NRIP1: variants seen among roughly 807,000 people sequenced by gnomAD.
NRIP1 encodes the protein nuclear receptor interacting protein 1.
Under a neutral mutation model 75.0 loss-of-function variants are expected in NRIP1, and 28 were observed. That is an observed-to-expected ratio of 0.37 (90% CI 0.28 to 0.51). NRIP1 has a LOEUF of 0.51. Among genes scored for constraint, NRIP1 ranks in the 20% least tolerant of loss-of-function variants. The pLI is 0.92. For synonymous variants in NRIP1, 526 were observed against 487.6 expected (o/e 1.08, Z -1.04); for missense variants, 1,435 against 1,343.7 (o/e 1.07, Z -1.06).
chr21:15,001,316 T>C (rs1277508381), intron 3 of NRIP1, among the ~76,000 whole-genome samples: 2 of 152,208 alleles, frequency 1.3e-5, no homozygotes, highest in Non-Finnish European at 2.9e-5. Flanking sequence ...GCAGTTCACA[T>C]GTGGCAAGAG....
chr21:14,986,520 A>G (rs1458471204), intron 3 of NRIP1, among the ~76,000 whole-genome samples: 1 of 152,192 alleles, frequency 6.6e-6, no homozygotes, highest in Non-Finnish European at 1.5e-5. Flanking sequence ...ATAATATTAA[A>G]CTTTAATAAC....
At chr21:15,008,434 G>T (rs1260397190) in intron 3 of NRIP1, among the ~76,000 whole-genome samples, 2 of 152,066 alleles carry the variant, frequency 1.3e-5, no homozygotes, top group Non-Finnish European at 2.9e-5. Context: ...ATCATAAAGA[G>T]GACTTGAAAG....
At chr21:15,046,392 G>C (rs1172855503) in intron 1 of NRIP1, among the ~76,000 whole-genome samples, 1 of 152,164 alleles carries the variant, frequency 6.6e-6, no homozygotes, top group African/African-American at 2.4e-5. Context: ...ATTTCGATAG[G>C]AATCTTTTTT....
At position 14,967,908 on chromosome 21, in the gene NRIP1, T is replaced by C; in HGVS notation, c.285A>G (p.Ala95=). 3.7e-6 allele frequency: 6 copies of C among 1,614,178 alleles called. No individual in the cohort carries two copies. Among genetic ancestry groups the C allele is most frequent in the Non-Finnish European group, 5.1e-6 (6 of 1,180,034 alleles). The stretch of plus-strand genomic sequence containing the variant: ...AATCAGACAGCCTCTTCCGCTTTGC[T>C]GCATTCCAGTCCTCAGAAGACTGCA... ...RLLQSSEDWN[A]AKRKRLSDSI... The change falls in exon 4 of 4, where the codon GCA becomes GCG. Residue 95 remains alanine (A), a synonymous_variant. Coordinates refer to ENST00000318948, the MANE Select transcript of NRIP1 (RefSeq NM_003489.4).
chr21:15,039,460 C>G lies in NRIP1; in HGVS notation c.-458+4035G>C, dbSNP rs140797274. On this transcript the variant is annotated intron_variant, in intron 2 of 3. Transcript: ENST00000318948. ...TTTGAATACCAAGAAGCTTTAAAAC[C>G]CAATTTGGTGGCAAAATCAAACCCA... Among the ~76,000 whole-genome samples the G allele has an allele frequency of 5.4e-3, 824 of 152,216 alleles. 2 individuals carry two copies. Among genetic ancestry groups the G allele is most frequent in the Middle Eastern group, 0.027 (8 of 294 alleles).
intron 2 of NRIP1, among the ~76,000 whole-genome samples, chr21:15,042,604 T>C (rs1201607986): frequency 6.6e-6 from 1 of 152,204 alleles, no homozygotes; most frequent in African/African-American, 2.4e-5. Flanking sequence ...ATTAGTACCC[T>C]TATAAAAGAG....
intron 2 of NRIP1, among the ~76,000 whole-genome samples, chr21:15,025,973 C>T (rs6517179): frequency 0.3 from 46,186 of 151,908 alleles, 9,898 homozygotes; most frequent in East Asian, 0.59. Flanking sequence ...TCGGGACAAC[C>T]TGGAAACTTG....
chr21:15,020,878 TAA>T (rs201297132), intron 2 of NRIP1, among the ~76,000 whole-genome samples: 4 of 141,858 alleles, frequency 2.8e-5, no homozygotes, highest in Admixed American at 7.1e-5. Context: ...ATAGCTATAT[TAA>T]AAAAAAAAAA....
At position 14,967,378 on chromosome 21, in the gene NRIP1, C is replaced by T; in HGVS notation, c.815G>A (p.Ser272Asn). 1 of 1,614,106 alleles carries T rather than the reference C, an allele frequency of 6.2e-7. No homozygotes were observed. The highest frequency in any genetic ancestry group is 1.6e-4 in the Middle Eastern group (1 of 6,062). ...AGAATACTGCTGCAAATGGGCTTCG[C>T]TTGACAGAAGTAATGCTAACTGGCT... ...ACSQLALLLS[S>N]EAHLQQYSRE... is the part of the protein sequence containing the mutation. Residue 272 changes from serine (S) to asparagine (N), a missense_variant, in exon 4 of 4, where the codon AGC becomes AAC. By Grantham distance (46) the Ser-to-Asn change is conservative. Coordinates refer to ENST00000318948, the MANE Select transcript of NRIP1 (RefSeq NM_003489.4).
chr21:15,040,086 T>C (rs2088920589), intron 2 of NRIP1, among the ~76,000 whole-genome samples: 1 of 152,132 alleles, frequency 6.6e-6, no homozygotes, highest in Non-Finnish European at 1.5e-5. Context: ...CTGTGCTGTC[T>C]AATACAGCAA....
intron 2 of NRIP1, among the ~76,000 whole-genome samples, chr21:15,020,331 A>C (rs978791711): frequency 1.3e-5 from 2 of 152,246 alleles, no homozygotes; most frequent in African/African-American, 2.4e-5. Context: ...CAAATATGCC[A>C]CTGCAATTAA....
chr21:14,978,023 T>C (rs2087122929), intron 3 of NRIP1, among the ~76,000 whole-genome samples: 1 of 152,214 alleles, frequency 6.6e-6, no homozygotes, highest in Non-Finnish European at 1.5e-5. Context: ...CACTGCAACC[T>C]GAAGGACTTA....
chr21:15,002,659 G>A (rs1038363181), intron 3 of NRIP1, among the ~76,000 whole-genome samples: 1 of 152,104 alleles, frequency 6.6e-6, no homozygotes, highest in Non-Finnish European at 1.5e-5. Flanking sequence ...TTCCAGAAAC[G>A]AGAATCATGA....
chr21:15,022,571 A>T (rs1182650946), intron 2 of NRIP1, among the ~76,000 whole-genome samples: 1 of 152,228 alleles, frequency 6.6e-6, no homozygotes, highest in Non-Finnish European at 1.5e-5. Flanking sequence ...AATGAGTCTG[A>T]TGTAAAATAC....
upstream of NRIP1, among the ~76,000 whole-genome samples, chr21:15,065,285 G>A (rs879501418): frequency 5.9e-5 from 9 of 151,992 alleles, no homozygotes; most frequent in Non-Finnish European, 1.2e-4. Context: ...AAGACCCGGA[G>A]GCAGCGAGAG....
rs140207921 is a variant in NRIP1 at position 15,042,793 on chromosome 21, T to C, written c.-458+702A>G. 2.0e-5 allele frequency among the ~76,000 whole-genome samples: 3 copies of C among 152,342 alleles called. No homozygotes were observed. The East Asian group carries it at 5.8e-4, about 29-fold the overall frequency. On this transcript the variant is annotated intron_variant, in intron 2 of 3. Transcript: ENST00000318948. The stretch of plus-strand genomic sequence containing the variant: ...GTGTATAAGCCTCCCATCTATGGTA[T>C]TTGTTACAGCAGCTCAAATGGACTA...
chr21:15,061,963 CCTT>C (rs1448860024), intron 1 of NRIP1, among the ~76,000 whole-genome samples: 2 of 152,346 alleles, frequency 1.3e-5, no homozygotes, highest in African/African-American at 4.8e-5. Flanking sequence ...TCATCTGTCA[CCTT>C]CTATCAAACT....
intron 3 of NRIP1, among the ~76,000 whole-genome samples, chr21:14,976,120 C>T (rs1183474754): frequency 6.6e-6 from 1 of 152,020 alleles, no homozygotes; most frequent in African/African-American, 2.4e-5. Flanking sequence ...AAATTCATGT[C>T]CAACTACTTA....
chr21:14,976,744 T>C (rs938838235), intron 3 of NRIP1, among the ~76,000 whole-genome samples: 6 of 152,228 alleles, frequency 3.9e-5, no homozygotes, highest in African/African-American at 1.4e-4. Context: ...AATTCTTACA[T>C]GTAGGACTAT....
Sources: allele counts gnomAD v4.1 joint callset (sites outside exome capture counted in the v4.1 genomes callset), GRCh38; gene constraint gnomAD v4.1.1; transcripts MANE v1.5; gene names NCBI Gene and HGNC (gene_info 2026-07-23, HGNC 2026-07-21).